Variants in DDX47 observed in about 807,000 individuals in gnomAD.
DDX47 encodes DEAD-box helicase 47.
In DDX47, 60 loss-of-function variants were observed where a neutral mutation model predicts 58.8. The observed-to-expected ratio is 1.02, with a 90% CI of 0.83 to 1.26. The LOEUF (loss-of-function observed/expected upper bound fraction) is 1.26. DDX47 is among the 50% of genes most tolerant of loss of function. DDX47 has a pLI of 0.00. For synonymous variants in DDX47, 197 were observed against 204.6 expected, an observed-to-expected ratio of 0.96 and a Z score of 0.32; for missense variants, 530 against 573.2, an observed-to-expected ratio of 0.92 and a Z score of 0.77.
chr12:12,827,218 C>A, intron 10 of DDX47, 28 bp from the exon 11 acceptor site: 1 of 1,610,424 alleles, frequency 6.2e-7, no homozygotes, highest in Non-Finnish European at 8.5e-7. Flanking sequence ...TACCAGGCAA[C>A]CAGAGCTGTG....
In DDX47 at chr12:12,823,860, T is replaced by G; in HGVS notation, c.751-10T>G. The G allele has an allele frequency of 6.2e-7, 1 of 1,612,732 alleles. No individual in the cohort carries two copies. Among genetic ancestry groups the G allele is most frequent in the South Asian group, 1.1e-5 (1 of 90,902 alleles). Reference sequence around the variant, plus strand: ...TCAATGACATATATTGTTTTGGGTTTGTAACTTAGGATACCTACCTGGTTT... The same window carrying G: ...TCAATGACATATATTGTTTTGGGTTGGTAACTTAGGATACCTACCTGGTTT... On this transcript the variant is annotated splice_polypyrimidine_tract_variant and intron_variant, in intron 7 of 11. Coordinates refer to ENST00000358007, the MANE Select transcript of DDX47 (RefSeq NM_016355.4).
rs1198073357 is a variant in DDX47, at chr12:12,821,672, A to G, written c.388A>G (p.Ile130Val). 1.2e-6 allele frequency: 2 copies of G among 1,614,026 alleles called. No homozygotes were observed. The highest frequency in any genetic ancestry group is 1.7e-6 in the Non-Finnish European group (2 of 1,179,934). ...CTCTGTAGCTGTGATTGTAGGTGGA[A>G]TTGATTCAATGTCTCAATCTTTGGC... ...GVQSAVIVGG[I>V]DSMSQSLALA... Residue 130 changes from isoleucine to valine, a missense_variant, in exon 4 of 12, where the codon ATT (isoleucine) becomes GTT (valine). Ile to Val is a conservative substitution (Grantham distance 29). Coordinates refer to ENST00000358007, the MANE Select transcript of DDX47 (RefSeq NM_016355.4).
chr12:12,813,386 C>G lies in DDX47; in HGVS notation c.19C>G (p.His7Asp). MAAPEE[H>D]DSPTEASQPI... ...ACACAAGATGGCGGCACCCGAGGAA[C>G]ACGATTCTCCGACCGAAGCGTCCCA... The change falls in exon 1 of 12, where the codon CAC (histidine) becomes GAC (aspartate). Residue 7 changes from histidine (H) to aspartate (D), a missense_variant. Coordinates refer to ENST00000358007, the MANE Select transcript of DDX47 (RefSeq NM_016355.4). The G allele has an allele frequency of 1.2e-6, 2 of 1,613,528 alleles. No homozygotes were observed. The highest frequency in any genetic ancestry group is 1.1e-5 in the South Asian group (1 of 90,932).
Position 12,821,403 on chromosome 12 carries a change from G to T in DDX47, c.370+7G>T. 1 of 1,614,136 alleles carries T rather than the reference G, an allele frequency of 6.2e-7. No homozygotes were observed. Among genetic ancestry groups the T allele is most frequent in the Non-Finnish European group, 8.5e-7 (1 of 1,179,974 alleles). ...TCTATTGGAGTGCAGAGTGGTAAGT[G>T]TCTGAGAGGGAAGGGATCCTAGGTT... is the stretch of plus-strand genomic sequence containing the variant. On this transcript the variant is annotated splice_region_variant and intron_variant, in intron 3 of 11. Coordinates refer to ENST00000358007, the MANE Select transcript of DDX47 (RefSeq NM_016355.4).
intron 6 of DDX47, 124 bp downstream of exon 6, chr12:12,822,856 A>C (rs2136423157): frequency 2.5e-6 from 2 of 802,036 alleles, no homozygotes; most frequent in East Asian, 2.6e-5. Flanking sequence ...GAACTATCTG[A>C]GACTAGGTAA....
intron 2 of DDX47, among the ~76,000 whole-genome samples, chr12:12,818,112 A>G (rs1862923419): frequency 6.6e-6 from 1 of 152,176 alleles, no homozygotes; most frequent in African/African-American, 2.4e-5. Context: ...TATTTCTCAG[A>G]TAGGTAGATG....
At chr12:12,824,470 T>G in intron 8 of DDX47, 70 bp from the exon 9 acceptor site, 1 of 1,521,336 alleles carries the variant, frequency 6.6e-7, no homozygotes, top group Non-Finnish European at 8.9e-7. Context: ...GTTCTCGTGT[T>G]TGTCTATTTT....
At chr12:12,823,403 A>G (rs1697647336) in intron 7 of DDX47, 84 bp downstream of exon 7, 2 of 859,414 alleles carry the variant, frequency 2.3e-6, no homozygotes, top group Non-Finnish European at 3.9e-6. Flanking sequence ...TTGATTAGGT[A>G]AGAGCTGTAA....
chr12:12,814,086 G>T (rs757504821), intron 1 of DDX47, 45 bp from the exon 2 acceptor site: 3 of 1,183,078 alleles, frequency 2.5e-6, no homozygotes, highest in Non-Finnish European at 2.5e-6. Context: ...GAGGGAGGTA[G>T]GGGTGTGCTG....
intron 4 of DDX47, 62 bp from the exon 5 acceptor site, chr12:12,821,903 G>GTT: frequency 7.8e-7 from 1 of 1,281,500 alleles, no homozygotes; most frequent in Non-Finnish European, 1.1e-6. Context: ...TTGTTTATTT[G>GTT]TTTTGTTTTT....
Position 12,822,675 on chromosome 12 carries a change from CA to C in DDX47, c.579del (p.Val194Ter). 1 of 1,613,996 alleles carries C rather than the reference CA, an allele frequency of 6.2e-7. No homozygotes were observed. Among genetic ancestry groups the C allele is most frequent in the Non-Finnish European group, 8.5e-7 (1 of 1,179,946 alleles). Reference protein sequence around the residue: ...DFETEVDKILKVIPRDRKTFL... With the variant: ...DFETEVDKILXVIPRDRKTFL... ...TTGTGCTTTAGGTTGACAAGATCCT[CA>C]AAGTGATTCCTCGAGATCGGAAAAC... On this transcript the variant is annotated frameshift_variant, in exon 6 of 12. Coordinates refer to ENST00000358007, the MANE Select transcript of DDX47 (RefSeq NM_016355.4). LOFTEE classifies it high-confidence loss of function.
chr12:12,827,876 CTTTTTT>C (rs58725534), intron 11 of DDX47, among the ~76,000 whole-genome samples: 1 of 132,776 alleles, frequency 7.5e-6, no homozygotes, highest in African/African-American at 2.8e-5. Context: ...TTTCTTTTTT[CTTTTTT>C]TTTTTTTTTT....
intron 10 of DDX47, chr12:12,826,405 G>C (rs1315974474): frequency 6.1e-6 from 1 of 163,086 alleles, no homozygotes; most frequent in African/African-American, 2.4e-5. Flanking sequence ...ACCCAAGGCT[G>C]TTCTGTGAAT....
rs369606390 is a variant in DDX47 at position 12,821,997 on chromosome 12, A to G, written c.475A>G (p.Asn159Asp). ...TGGTCGACTGATTGACCACTTGGAA[A>G]ATACGAAAGGTTTCAACTTGAGAGC... ...TPGRLIDHLE[N>D]TKGFNLRALK... Residue 159 changes from asparagine (N) to aspartate (D), a missense_variant, in exon 5 of 12, where the codon AAT (asparagine) becomes GAT (aspartate). Asn to Asp is a conservative substitution (Grantham distance 23). Coordinates refer to ENST00000358007, the MANE Select transcript of DDX47 (RefSeq NM_016355.4). The G allele has an allele frequency of 4.0e-5, 64 of 1,613,924 alleles. No individual in the cohort carries two copies. The highest frequency in any genetic ancestry group is 6.7e-5 in the East Asian group (3 of 44,888).
At chr12:12,814,578 T>G (rs1301020651) in intron 2 of DDX47, 1 of 184,398 alleles carries the variant, frequency 5.4e-6, no homozygotes, top group African/African-American at 2.4e-5. Context: ...ATTCTTGCTG[T>G]GAGCCATGTT....
chr12:12,829,661 G>T lies in DDX47; in HGVS notation c.*107G>T. ...CTGAAATTGGTCAGAATTGTGTCCA[G>T]AATGTGCTCAGCTAATTCAGTATTC... On this transcript the variant is annotated 3_prime_UTR_variant, in exon 12 of 12. Coordinates refer to ENST00000358007, the MANE Select transcript of DDX47 (RefSeq NM_016355.4). The T allele has an allele frequency of 7.2e-7, 1 of 1,386,842 alleles. No homozygotes were observed. The highest frequency in any genetic ancestry group is 9.7e-7 in the Non-Finnish European group (1 of 1,029,996). The allele number at this position is 1,386,842 out of a possible 1,614,324, so 85.9% of individuals were successfully genotyped here. A position where few individuals can be genotyped will look rare whatever the true frequency, so the allele number is the denominator to read the frequency against.
At chr12:12,814,481 G>A (rs79416367) in intron 2 of DDX47, 4,501 of 387,752 alleles carry the variant, frequency 0.012, 26 homozygotes, top group Non-Finnish European at 0.017. Context: ...GTATATTAAC[G>A]ACAATCTTGG....
rs147480150 is a variant in DDX47, at chr12:12,829,458, G to A, written c.1272G>A (p.Ser424=). 1,334 of 1,613,222 alleles carry A rather than the reference G, an allele frequency of 8.3e-4. 2 individuals are homozygous for A. The highest frequency in any genetic ancestry group is 1.0e-3 in the Non-Finnish European group (1,232 of 1,179,718). Residue 424 remains serine (S), a synonymous_variant, in exon 12 of 12, where the codon TCG becomes TCA. Transcript: ENST00000358007. ...AGCATGGAGAAAAGAAGAAACGCTCGCGAGAGGATGCTGGAGATAATGATG... is the reference window on the plus strand; with the variant it reads ...AGCATGGAGAAAAGAAGAAACGCTCACGAGAGGATGCTGGAGATAATGATG... ...LREHGEKKKR[S]REDAGDNDDT...
intron 7 of DDX47, 150 bp downstream of exon 7, chr12:12,823,469 A>G (rs1198710032): frequency 4.8e-6 from 3 of 626,552 alleles, no homozygotes; most frequent in Non-Finnish European, 8.6e-6. Flanking sequence ...TTATATTATC[A>G]CCGATAAGCC....
Sources: gnomAD v4.1 joint callset for allele counts (sites outside exome capture counted in the v4.1 genomes callset) on GRCh38, gnomAD v4.1.1 for gene constraint, MANE v1.5 for transcripts, NCBI Gene and HGNC (gene_info 2026-07-23, HGNC 2026-07-21) for gene names.